The following SLC66A1 variants were observed in gnomAD, a reference collection of about 807,000 sequenced individuals.
SLC66A1 encodes the protein solute carrier family 66 member 1, also known as lysosomal amino acid transporter 1 homolog.
In SLC66A1, 23 loss-of-function variants were observed where a neutral mutation model predicts 33.0. The ratio of observed to expected loss-of-function variants is 0.70; its 90% confidence interval spans 0.50 to 0.99. The LOEUF (loss-of-function observed/expected upper bound fraction) is 0.99, where lower values mean the gene tolerates loss of function less well. SLC66A1 is among the 50% of genes least tolerant of loss of function. The pLI is 0.00. For synonymous variants in SLC66A1, 164 were observed against 175.5 expected, an observed-to-expected ratio of 0.93 and a Z score of 0.52; for missense variants, 335 against 383.6, an observed-to-expected ratio of 0.87 and a Z score of 1.06.
chr1:19,326,929 C>A (rs113813513), intron 6 of SLC66A1, among the ~76,000 whole-genome samples: 1,625 of 151,162 alleles, frequency 0.011, 20 homozygotes, highest in African/African-American at 0.037. Context: ...GCTGGGGAGT[C>A]GGGGAGGGGA....
At chr1:19,313,210 C>T (rs2093786585) in intron 1 of SLC66A1, 3 of 985,302 alleles carry the variant, frequency 3.0e-6, no homozygotes, top group Admixed American at 6.1e-5. Flanking sequence ...TGGTAGGCAT[C>T]GGGCAGGTCT....
chr1:19,317,975 A>G (rs570875924), intron 2 of SLC66A1, 134 bp downstream of exon 2: 1 of 1,353,508 alleles, frequency 7.4e-7, no homozygotes, highest in East Asian at 2.3e-5. Flanking sequence ...TGTTCCCTCG[A>G]CAGGGACCTG....
chr1:19,326,959 G>A (rs542311214), intron 6 of SLC66A1, among the ~76,000 whole-genome samples: 8 of 152,260 alleles, frequency 5.3e-5, no homozygotes, highest in Admixed American at 5.2e-4. Context: ...GGCAGCTAGA[G>A]CCTGTGTGGG....
Position 19,326,250 on chromosome 1 carries a change from GC to G in SLC66A1, c.393del (p.Ile132SerfsTer18), listed in dbSNP as rs1314463151. On this transcript the variant is annotated frameshift_variant, in exon 5 of 8. Transcript: ENST00000375153. LOFTEE classifies it high-confidence loss of function. ...TCCCCCTGCCTTGTGTGCAGTGTCTGCCCCCATCAACTCCGTGCTGTTGTTC... is the reference window on the plus strand; with the variant it reads ...TCCCCCTGCCTTGTGTGCAGTGTCTGCCCCATCAACTCCGTGCTGTTGTTC... ...KFRTRPSLLSAPINSVLLFLM... is the reference protein window; with the variant it reads ...KFRTRPSLLSXPINSVLLFLM... The G allele has an allele frequency of 1.2e-6, 2 of 1,603,342 alleles. No homozygotes were observed. The highest frequency in any genetic ancestry group is 1.3e-5 in the African/African-American group (1 of 74,926).
In SLC66A1 at chr1:19,312,391, A is replaced by G; in HGVS notation, c.-577A>G. On this transcript the variant is annotated 5_prime_UTR_variant, in exon 1 of 8. Transcript: ENST00000375153. The stretch of plus-strand genomic sequence containing the variant: ...GGACCGGGGGCAGGTGGCAAACTTC[A>G]CGGCTGGGGGTCGGGGCTCCTGGGC... 1 of 222,778 alleles carries G rather than the reference A, an allele frequency of 4.5e-6. No homozygotes were observed. Among genetic ancestry groups the G allele is most frequent in the Non-Finnish European group, 8.7e-6 (1 of 115,142 alleles). The allele number at this position is 222,778 out of a possible 1,614,324, so 13.8% of individuals were successfully genotyped here. A position where few individuals can be genotyped will look rare whatever the true frequency, so the allele number is the denominator to read the frequency against.
At chr1:19,316,289 A>G (rs531033695) in intron 1 of SLC66A1, among the ~76,000 whole-genome samples, 12 of 147,344 alleles carry the variant, frequency 8.1e-5, no homozygotes, top group African/African-American at 2.8e-4. Flanking sequence ...CATTCATGCA[A>G]CCCCGGGGAT....
intron 1 of SLC66A1, among the ~76,000 whole-genome samples, chr1:19,316,218 C>T (rs1354381282): frequency 6.6e-6 from 1 of 152,188 alleles, no homozygotes; most frequent in African/African-American, 2.4e-5. Context: ...AGGCATCCCC[C>T]CCACACTCTG....
At position 19,312,827 on chromosome 1, in the gene SLC66A1, A is replaced by C. The variant is rs1406076164; in HGVS notation, c.-141A>C. 4.6e-5 allele frequency: 7 copies of C among 152,866 alleles called. No homozygotes were observed. The East Asian group carries it at 1.4e-3, about 29-fold the overall frequency. The allele number at this position is 152,866 out of a possible 1,614,324, so 9.5% of individuals were successfully genotyped here. A position where few individuals can be genotyped will look rare whatever the true frequency, so the allele number is the denominator to read the frequency against. The stretch of plus-strand genomic sequence containing the variant: ...CCCGAGCTGGGACGCTCCTCCCTCC[A>C]CAATCTCCCCAGGTCTGCAGGGACC... On this transcript the variant is annotated 5_prime_UTR_variant, in exon 1 of 8. Transcript: ENST00000375153.
Position 19,325,447 on chromosome 1 carries a change from C to G in SLC66A1, c.295-48C>G, listed in dbSNP as rs904956029. The stretch of plus-strand genomic sequence containing the variant: ...ACAGAGGGCTGCCGGGGCGTGGTCT[C>G]AGATCCTGGGACTGCGCCAACCCCT... On this transcript the variant is annotated intron_variant, in intron 3 of 7. Transcript: ENST00000375153. The G allele has an allele frequency of 2.1e-6, 3 of 1,405,776 alleles. No homozygotes were observed. In the African/African-American group the frequency reaches 4.3e-5, roughly 20 times the overall value. The allele number at this position is 1,405,776 out of a possible 1,614,324, so 87.1% of individuals were successfully genotyped here.
At chr1:19,318,082 G>T (rs1425985165) in intron 2 of SLC66A1, among the ~76,000 whole-genome samples, 1 of 152,170 alleles carries the variant, frequency 6.6e-6, no homozygotes, top group Non-Finnish European at 1.5e-5. Context: ...CCATATACCT[G>T]GCTTGCTTCT....
chr1:19,333,934 A>AC (rs1558159250), downstream of SLC66A1, among the ~76,000 whole-genome samples: 13 of 89,176 alleles, frequency 1.5e-4, no homozygotes, highest in African/African-American at 5.5e-4. The surrounding 1 kb of genome is among the most constrained non-coding windows in gnomAD (Gnocchi z 4.2). Context: ...AAAACAAAAC[A>AC]AAACACAGGA....
At chr1:19,325,463 G>C (rs767289519) in intron 3 of SLC66A1, 32 bp from the exon 4 acceptor site, 4 of 1,517,854 alleles carry the variant, frequency 2.6e-6, no homozygotes, top group Non-Finnish European at 3.7e-6. Flanking sequence ...CTGGGACTGC[G>C]CCAACCCCTG....
Position 19,317,590 on chromosome 1 carries a change from C to G in SLC66A1, c.-78-10C>G. ...CCAGTGCTGAAAGCCTCCTCCCTTC[C>G]TCCCTGTAGAACCCTTGCTGGCCTC... is the stretch of plus-strand genomic sequence containing the variant. On this transcript the variant is annotated splice_polypyrimidine_tract_variant and intron_variant, in intron 1 of 7. Coordinates refer to ENST00000375153, the MANE Select transcript of SLC66A1 (RefSeq NM_001040125.2). 6.5e-7 allele frequency: 1 copy of G among 1,540,968 alleles called. No homozygotes were observed. The highest frequency in any genetic ancestry group is 1.2e-5 in the South Asian group (1 of 81,080).
intron 2 of SLC66A1, among the ~76,000 whole-genome samples, chr1:19,320,412 C>CTTTTTTTTTT (rs34520375): frequency 1.0e-5 from 1 of 98,630 alleles, no homozygotes. Flanking sequence ...GGTGGCCTGT[C>CTTTTTTTTTT]TTTTTTTTTT....
Position 19,327,269 on chromosome 1 carries a change from G to A in SLC66A1, c.661G>A (p.Ala221Thr), listed in dbSNP as rs1038094695. Residue 221 changes from alanine to threonine, a missense_variant, in exon 7 of 8, where the codon GCG becomes ACG. By Grantham distance (58) the Ala-to-Thr change is moderately conservative (BLOSUM62 0). Coordinates refer to ENST00000375153, the MANE Select transcript of SLC66A1 (RefSeq NM_001040125.2). Reference sequence around the variant, plus strand: ...CCAGGGGATCTCCTACTCTCTGTTCGCGCTGGTGATGCTGGGGAACACGCT... The same window carrying A: ...CCAGGGGATCTCCTACTCTCTGTTCACGCTGGTGATGCTGGGGAACACGCT... Reference protein sequence around the residue: ...STQGISYSLFALVMLGNTLYG... With the variant: ...STQGISYSLFTLVMLGNTLYG... 5.6e-6 allele frequency: 9 copies of A among 1,613,788 alleles called. No individual in the cohort carries two copies. The highest frequency in any genetic ancestry group is 4.5e-5 in the East Asian group (2 of 44,878).
At position 19,328,844 on chromosome 1, in the gene SLC66A1, A is replaced by G; in HGVS notation, c.*201A>G. The G allele has an allele frequency of 1.6e-6, 1 of 611,782 alleles. No homozygotes were observed. Among genetic ancestry groups the G allele is most frequent in the South Asian group, 2.0e-5 (1 of 50,788 alleles). The allele number at this position is 611,782 out of a possible 1,614,324, so 37.9% of individuals were successfully genotyped here. ...AGGCCGGGGCTGGAGCGGAGACCCC[A>G]GGGCCTCTCAGGAGACAGTGAGGCT... is the stretch of plus-strand genomic sequence containing the variant. On this transcript the variant is annotated 3_prime_UTR_variant, in exon 8 of 8. Coordinates refer to ENST00000375153, the MANE Select transcript of SLC66A1 (RefSeq NM_001040125.2). The surrounding 1 kb of genome is among the most constrained non-coding windows in gnomAD (Gnocchi z 4.7).
chr1:19,317,003 C>T (rs796279757), intron 1 of SLC66A1, among the ~76,000 whole-genome samples: 3 of 148,096 alleles, frequency 2.0e-5, no homozygotes, highest in Admixed American at 6.9e-5. Flanking sequence ...TCAAGCTGTC[C>T]TCCCGCCTTG....
At chr1:19,330,974 G>A (rs114719805), downstream of SLC66A1, among the ~76,000 whole-genome samples, 1,592 of 152,332 alleles carry the variant, frequency 0.01, 26 homozygotes, top group African/African-American at 0.036. Context: ...ATCAGTGCAC[G>A]AGATCTCCCC....
At position 19,328,879 on chromosome 1, in the gene SLC66A1, A is replaced by G. The variant is rs1299502291; in HGVS notation, c.*236A>G. 1.7e-6 allele frequency: 1 copy of G among 582,318 alleles called. No homozygotes were observed. Among genetic ancestry groups the G allele is most frequent in the Non-Finnish European group, 3.1e-6 (1 of 326,326 alleles). 36.1% of individuals were successfully genotyped at this position (582,318 alleles called of 1,614,324 possible). A position where few individuals can be genotyped will look rare whatever the true frequency, so the allele number is the denominator to read the frequency against. ...AGGAGACAGTGAGGCTGCCCCTCCT[A>G]CCACCTACCTCATTCTGCCTACTCA... On this transcript the variant is annotated 3_prime_UTR_variant, in exon 8 of 8. Coordinates refer to ENST00000375153, the MANE Select transcript of SLC66A1 (RefSeq NM_001040125.2). The surrounding 1 kb of genome is among the most constrained non-coding windows in gnomAD (Gnocchi z 4.7).
Sources: gnomAD v4.1 joint callset for allele counts (sites outside exome capture counted in the v4.1 genomes callset) on GRCh38, gnomAD v4.1.1 for gene constraint, Gnocchi (gnomAD v3.1) non-coding constraint, MANE v1.5 for transcripts, NCBI Gene and HGNC (gene_info 2026-07-23, HGNC 2026-07-21) for gene names.